LRRC8D: variants seen among roughly 807,000 people sequenced by gnomAD.
The protein encoded by LRRC8D is volume-regulated anion channel subunit LRRC8D.
LRRC8D carries 20 observed loss-of-function variants against 55.8 expected under a neutral mutation model. The observed-to-expected ratio is 0.36, with a 90% CI of 0.25 to 0.52. The LOEUF is 0.52. Ranked by LOEUF, LRRC8D falls within the 20% of genes least tolerant of loss-of-function variation. LRRC8D has a pLI of 0.93. For missense variants in LRRC8D, 651 were observed against 1,030.8 expected (o/e 0.63, Z 5.05); for synonymous variants, 352 against 377.0 (o/e 0.93, Z 0.77).
At chr1:89,901,699 T>C (rs1033364105) in intron 2 of LRRC8D, among the ~76,000 whole-genome samples, 42 of 152,144 alleles carry the variant, frequency 2.8e-4, no homozygotes, top group Non-Finnish European at 7.4e-5. Context: ...TGCTCAAATA[T>C]TTTTTTTAAA....
intron 2 of LRRC8D, among the ~76,000 whole-genome samples, chr1:89,906,249 G>GTTT (rs1662988448): frequency 6.6e-6 from 1 of 152,086 alleles, no homozygotes; most frequent in South Asian, 2.1e-4. Flanking sequence ...AACAGAACAA[G>GTTT]ACATCTGGTA....
At chr1:89,852,684 T>G (rs1661449078) in intron 2 of LRRC8D, among the ~76,000 whole-genome samples, 1 of 152,160 alleles carries the variant, frequency 6.6e-6, no homozygotes, top group Non-Finnish European at 1.5e-5. Context: ...CTTTCTTGTT[T>G]GTGAGGAAGG....
intron 2 of LRRC8D, among the ~76,000 whole-genome samples, chr1:89,885,589 TTGGAAAG>T (rs1208634697): frequency 6.6e-6 from 1 of 152,142 alleles, no homozygotes; most frequent in African/African-American, 2.4e-5. Flanking sequence ...GTTAGGGTGT[TTGGAAAG>T]GGCAAAAAGG....
intron 1 of LRRC8D, among the ~76,000 whole-genome samples, chr1:89,823,899 A>T (rs567122154): frequency 1.6e-4 from 25 of 152,194 alleles, no homozygotes; most frequent in Non-Finnish European, 3.2e-4. Flanking sequence ...GTGGTCAGGG[A>T]TGTGGAACAG....
intron 2 of LRRC8D, among the ~76,000 whole-genome samples, chr1:89,880,621 T>C (rs534312619): frequency 4.6e-5 from 7 of 152,262 alleles, no homozygotes; most frequent in African/African-American, 1.7e-4. Context: ...TAAATATTAG[T>C]GGATCTAAAT....
chr1:89,851,248 A>C (rs1661409167), intron 2 of LRRC8D, among the ~76,000 whole-genome samples: 1 of 152,018 alleles, frequency 6.6e-6, no homozygotes, highest in Non-Finnish European at 1.5e-5. Flanking sequence ...TGAATGTTTT[A>C]TGAGGTGTGA....
intron 1 of LRRC8D, among the ~76,000 whole-genome samples, chr1:89,821,739 A>C (rs1195087703): frequency 6.6e-6 from 1 of 151,664 alleles, no homozygotes; most frequent in Non-Finnish European, 1.5e-5. Context: ...TGAGCCCTTT[A>C]ACTTCTCCAG....
At chr1:89,929,773 TC>T (rs1663653734) in intron 2 of LRRC8D, 1 of 152,222 alleles carries the variant, frequency 6.6e-6, no homozygotes, top group South Asian at 2.1e-4. Context: ...ATTCCCAACA[TC>T]ATTACTGAAT....
intron 2 of LRRC8D, among the ~76,000 whole-genome samples, chr1:89,906,131 G>A (rs1455390107): frequency 6.6e-6 from 1 of 152,150 alleles, no homozygotes; most frequent in Non-Finnish European, 1.5e-5. Flanking sequence ...CCCAACTGCT[G>A]TTTACTTCTC....
Position 89,935,587 on chromosome 1 carries a change from T to A in LRRC8D, c.2519T>A (p.Leu840His). 6.2e-7 allele frequency: 1 copy of A among 1,614,136 alleles called. No individual in the cohort carries two copies. Among genetic ancestry groups the A allele is most frequent in the Non-Finnish European group, 8.5e-7 (1 of 1,180,042 alleles). ...GATCACCTTTTTGATACCCTGCCAC[T>A]CGAAGTCAAAGAGGCATTGAATCAA... ...VEDHLFDTLP[L>H]EVKEALNQDI... The change falls in exon 3 of 3, where the codon CTC becomes CAC. Residue 840 changes from leucine (L) to histidine (H), a missense_variant. Leu to His is a moderately conservative substitution (Grantham distance 99). Coordinates refer to ENST00000337338, the MANE Select transcript of LRRC8D (RefSeq NM_001134479.2).
At chr1:89,888,045 T>C (rs748610983) in intron 2 of LRRC8D, among the ~76,000 whole-genome samples, 1 of 152,166 alleles carries the variant, frequency 6.6e-6, no homozygotes, top group Non-Finnish European at 1.5e-5. Flanking sequence ...TTACAGCACA[T>C]ATATTGAACA....
At position 89,933,373 on chromosome 1, in the gene LRRC8D, C is replaced by T; in HGVS notation, c.305C>T (p.Thr102Ile). 6.2e-7 allele frequency: 1 copy of T among 1,614,140 alleles called. No homozygotes were observed. Among genetic ancestry groups the T allele is most frequent in the South Asian group, 1.1e-5 (1 of 91,082 alleles). ...ACAACAAACGACATTTCCTTTGGGA[C>T]ATCTGCTGTGACACCTGACATACCT... ...GRTTNDISFG[T>I]SAVTPDIPLR... Residue 102 changes from threonine (T) to isoleucine (I), a missense_variant, in exon 3 of 3, where the codon ACA becomes ATA. Thr to Ile is a moderately conservative substitution (Grantham distance 89). This residue lies in a region of LRRC8D where 118 missense variants were observed against 138.0 expected (regional missense o/e 0.85). Coordinates refer to ENST00000337338, the MANE Select transcript of LRRC8D (RefSeq NM_001134479.2). The surrounding 1 kb of genome is among the most constrained non-coding windows in gnomAD (Gnocchi z 7.0).
chr1:89,917,681 G>A (rs141712308), intron 2 of LRRC8D, among the ~76,000 whole-genome samples: 19 of 152,188 alleles, frequency 1.2e-4, no homozygotes, highest in African/African-American at 4.6e-4. Flanking sequence ...ACCCCATTAT[G>A]CACTTTCATA....
In LRRC8D at chr1:89,894,666, A is replaced by G. The variant is rs190267153; in HGVS notation, c.-2-38401A>G. ...AGAGTAAACCAAGAAGATAGTGTTC[A>G]TGTACATCATCAGCACAATACTGAG... On this transcript the variant is annotated intron_variant, in intron 2 of 2. Transcript: ENST00000337338. Among the ~76,000 whole-genome samples, 428 of 152,362 alleles carry G rather than the reference A, an allele frequency of 2.8e-3. 1 individual carries two copies. Among genetic ancestry groups the G allele is most frequent in the African/African-American group, 9.8e-3 (407 of 41,584 alleles).
Position 89,933,560 on chromosome 1 carries a change from C to G in LRRC8D, c.492C>G (p.Tyr164Ter). Residue 164 changes from tyrosine (Y) to a stop codon, truncating the protein, a stop_gained, in exon 3 of 3, where the codon TAC becomes TAG. Transcript: ENST00000337338. LOFTEE classifies it high-confidence loss of function. This position sits in a 1 kb window ranked among gnomAD's most constrained non-coding sequence, Gnocchi z 7.0. ...TGGCCCTTCCGTGGTATTCTAAGTA[C>G]TTTCCATACCTAGCTCTTATACATA... ...YHLALPWYSK[Y>*]FPYLALIHTI... The G allele has an allele frequency of 6.2e-7, 1 of 1,614,152 alleles. No individual in the cohort carries two copies. Among genetic ancestry groups the G allele is most frequent in the Non-Finnish European group, 8.5e-7 (1 of 1,180,020 alleles).
intron 2 of LRRC8D, among the ~76,000 whole-genome samples, chr1:89,906,780 A>G (rs1663004885): frequency 6.6e-6 from 1 of 152,146 alleles, no homozygotes; most frequent in African/African-American, 2.4e-5. Flanking sequence ...GAACTGGAGT[A>G]ATGACTACAG....
intron 2 of LRRC8D, among the ~76,000 whole-genome samples, chr1:89,891,690 CAAT>C (rs1388750121): frequency 6.6e-6 from 1 of 152,222 alleles, no homozygotes; most frequent in Non-Finnish European, 1.5e-5. Flanking sequence ...ATGATAACCA[CAAT>C]AATGTTGATT....
chr1:89,888,452 A>G (rs940128510), intron 2 of LRRC8D, among the ~76,000 whole-genome samples: 1 of 152,248 alleles, frequency 6.6e-6, no homozygotes, highest in Non-Finnish European at 1.5e-5. Flanking sequence ...GTTTAGCTTG[A>G]TATAGATACA....
At chr1:89,895,480 G>A (rs912456616) in intron 2 of LRRC8D, among the ~76,000 whole-genome samples, 3 of 148,796 alleles carry the variant, frequency 2.0e-5, no homozygotes, top group Admixed American at 1.3e-4. Flanking sequence ...GTAAATATAT[G>A]TGTAATAATT....
Sources: allele counts gnomAD v4.1 joint callset (sites outside exome capture counted in the v4.1 genomes callset), GRCh38; gene constraint gnomAD v4.1.1; regional missense constraint gnomAD v4.1.1; non-coding constraint Gnocchi (gnomAD v3.1); transcripts MANE v1.5; gene names NCBI Gene and HGNC (gene_info 2026-07-23, HGNC 2026-07-21).